ASNS: variants seen among roughly 807,000 people sequenced by gnomAD.
The protein encoded by ASNS is asparagine synthetase (glutamine-hydrolyzing).
In ASNS, 37 loss-of-function variants were observed where a neutral mutation model predicts 62.6. The observed-to-expected ratio is 0.59, with a 90% CI of 0.45 to 0.78. The LOEUF (loss-of-function observed/expected upper bound fraction) is 0.78, where lower values mean the gene tolerates loss of function less well. ASNS is among the 30% of genes least tolerant of loss of function. The pLI is 0.00. For synonymous variants in ASNS, 207 were observed against 237.9 expected, an observed-to-expected ratio of 0.87 and a Z score of 1.19; for missense variants, 520 against 682.4, an observed-to-expected ratio of 0.76 and a Z score of 2.65.
the ASNS span, among the ~76,000 whole-genome samples, chr7:97,927,171 C>A: frequency 1.3e-5 from 2 of 148,398 alleles, no homozygotes; most frequent in African/African-American, 5.0e-5. Flanking sequence ...CCTCCCCCTT[C>A]GGCCTCTCAA....
At chr7:97,886,369 A>G in the ASNS span, among the ~76,000 whole-genome samples, 1 of 152,024 alleles carries the variant, frequency 6.6e-6, no homozygotes, top group African/African-American at 2.4e-5. Flanking sequence ...GGACGGTCTC[A>G]ATCTCCTGAC....
At chr7:97,901,227 G>A in the ASNS span, among the ~76,000 whole-genome samples, 6 of 151,946 alleles carry the variant, frequency 3.9e-5, no homozygotes, top group Non-Finnish European at 5.9e-5. Flanking sequence ...ATGGAATCTC[G>A]CTCTGTCTCC....
chr7:97,906,846 C>T, the ASNS span: 2 of 152,044 alleles, frequency 1.3e-5, no homozygotes, highest in African/African-American at 2.4e-5. Flanking sequence ...CTCGAGTCCA[C>T]ATCTAAAGTC....
chr7:97,928,225 C>G, the ASNS span: 2 of 1,528,078 alleles, frequency 1.3e-6, no homozygotes, highest in South Asian at 1.2e-5. Flanking sequence ...GGGACGTCGT[C>G]CTCCTCCCTC....
At chr7:97,917,973 G>A in the ASNS span, among the ~76,000 whole-genome samples, 1 of 152,362 alleles carries the variant, frequency 6.6e-6, no homozygotes, top group Non-Finnish European at 1.5e-5. Context: ...GAGGCCTGAA[G>A]AAGGCAAATG....
At chr7:97,857,885 G>A (rs1456973075) in intron 7 of ASNS, among the ~76,000 whole-genome samples, 1 of 151,904 alleles carries the variant, frequency 6.6e-6, no homozygotes, top group Non-Finnish European at 1.5e-5. Flanking sequence ...GCTAGTTTTT[G>A]TATTTTTTTG....
chr7:97,917,215 C>T, the ASNS span, among the ~76,000 whole-genome samples: 1 of 57,982 alleles, frequency 1.7e-5, no homozygotes, highest in African/African-American at 8.2e-5. Flanking sequence ...TATATTTGCA[C>T]CAAAAAAAAA....
At chr7:97,899,722 C>G in the ASNS span, among the ~76,000 whole-genome samples, 2 of 152,196 alleles carry the variant, frequency 1.3e-5, no homozygotes, top group Non-Finnish European at 2.9e-5. Context: ...GAAGGTTCAT[C>G]CACGCTGTAG....
Position 97,859,369 on chromosome 7 carries a change from G to GAGT in ASNS, c.514_516dup (p.Thr172dup), listed in dbSNP as rs1193265458. On this transcript the variant is annotated inframe_insertion, in exon 5 of 13. Transcript: ENST00000394308. ...AGAAAAGGCTCCACTTTTAAAAAGG[G>GAGT]AGTCGCGGAGTGCTTCAATGTAACA... The GAGT allele has an allele frequency of 1.2e-6, 2 of 1,612,658 alleles. No individual in the cohort carries two copies. The highest frequency in any genetic ancestry group is 2.7e-5 in the African/African-American group (2 of 74,832).
chr7:97,902,989 G>A, the ASNS span, among the ~76,000 whole-genome samples: 1 of 152,098 alleles, frequency 6.6e-6, no homozygotes, highest in South Asian at 2.1e-4. Flanking sequence ...GGGGAGTTGT[G>A]TTACTGCATC....
At chr7:97,870,165 C>T (rs749614495) in intron 1 of ASNS, 3 of 889,864 alleles carry the variant, frequency 3.4e-6, no homozygotes, top group Middle Eastern at 2.6e-4. Flanking sequence ...ACACATTGCA[C>T]CATGTGTGGC....
the ASNS span, among the ~76,000 whole-genome samples, chr7:97,878,297 T>C: frequency 6.6e-6 from 1 of 152,180 alleles, no homozygotes; most frequent in East Asian, 1.9e-4. Context: ...GAGCAATTCC[T>C]GTCCCTTTTA....
the ASNS span, among the ~76,000 whole-genome samples, chr7:97,895,483 C>T: frequency 6.6e-6 from 1 of 152,220 alleles, no homozygotes; most frequent in African/African-American, 2.4e-5. Flanking sequence ...AACCTAAAGA[C>T]TCTACCAAAA....
chr7:97,904,408 T>A, the ASNS span, among the ~76,000 whole-genome samples: 234 of 151,944 alleles, frequency 1.5e-3, 2 homozygotes, highest in African/African-American at 5.5e-3. Flanking sequence ...ACTTCAAACA[T>A]CAGAAGTTGT....
At chr7:97,859,174 T>G (rs771959955) in intron 5 of ASNS, 39 bp downstream of exon 5, 17 of 1,559,188 alleles carry the variant, frequency 1.1e-5, no homozygotes, top group Non-Finnish European at 1.4e-5. Flanking sequence ...TTTTTTCCCT[T>G]GGAGAAGGAT....
the ASNS span, among the ~76,000 whole-genome samples, chr7:97,886,796 A>T: frequency 6.6e-6 from 1 of 152,122 alleles, no homozygotes; most frequent in African/African-American, 2.4e-5. Context: ...TTTTAATGTG[A>T]CTGTGTTTTA....
chr7:97,920,011 C>CTT, the ASNS span, among the ~76,000 whole-genome samples: 5,717 of 143,180 alleles, frequency 0.04, 277 homozygotes, highest in African/African-American at 0.11. Flanking sequence ...CTTGTCCTGA[C>CTT]TTTTTTTTTT....
chr7:97,895,633 A>G, the ASNS span, among the ~76,000 whole-genome samples: 1 of 152,096 alleles, frequency 6.6e-6, no homozygotes, highest in African/African-American at 2.4e-5. Context: ...GTCTCTACCA[A>G]AAATACAATT....
At chr7:97,903,883 C>T in the ASNS span, among the ~76,000 whole-genome samples, 1 of 152,268 alleles carries the variant, frequency 6.6e-6, no homozygotes, top group South Asian at 2.1e-4. Flanking sequence ...AAGCATTGGT[C>T]GTGTTTTAAT....
Sources: gnomAD v4.1 joint callset for allele counts (sites outside exome capture counted in the v4.1 genomes callset) on GRCh38, gnomAD v4.1.1 for gene constraint, MANE v1.5 for transcripts, NCBI Gene and HGNC (gene_info 2026-07-23, HGNC 2026-07-21) for gene names.